Variants in CSMD1 observed in about 807,000 individuals in gnomAD.
The protein encoded by CSMD1 is CUB and Sushi multiple domains 1, also known as CUB and sushi domain-containing protein 1.
In CSMD1, 213 loss-of-function variants were observed where a neutral mutation model predicts 417.5. The observed-to-expected ratio is 0.51, with a 90% CI of 0.46 to 0.57. The LOEUF is 0.57. Among genes scored for constraint, CSMD1 ranks in the 20% least tolerant of loss-of-function variants. The probability of loss-of-function intolerance (pLI) is 0.00; values close to 1 mark genes in which losing one functional copy is unlikely to be tolerated. For missense variants in CSMD1, 6,923 were observed against 4,529.7 expected, an observed-to-expected ratio of 1.53 and a Z score of -15.17; for synonymous variants, 2,862 against 1,736.8, an observed-to-expected ratio of 1.65 and a Z score of -16.11.
chr8:4,473,707 T>C (rs114464626), intron 2 of CSMD1, among the ~76,000 whole-genome samples: 5,109 of 152,254 alleles, frequency 0.034, 200 homozygotes, highest in Middle Eastern at 0.092. Context: ...ATGTAAGGTA[T>C]GCAGGAATGT....
At chr8:4,892,484 G>A (rs1475033857) in intron 1 of CSMD1, among the ~76,000 whole-genome samples, 1 of 152,026 alleles carries the variant, frequency 6.6e-6, no homozygotes, top group Non-Finnish European at 1.5e-5. Context: ...TTTACTAACT[G>A]AAAAATATAG....
intron 2 of CSMD1, among the ~76,000 whole-genome samples, chr8:4,573,403 G>A (rs1446489928): frequency 6.6e-6 from 1 of 152,118 alleles, no homozygotes; most frequent in Admixed American, 6.5e-5. Context: ...GCTGGAGTTT[G>A]CTGGAGGTCC....
At chr8:3,960,722 AAATTT>A (rs1382546752) in intron 5 of CSMD1, among the ~76,000 whole-genome samples, 4 of 151,964 alleles carry the variant, frequency 2.6e-5, no homozygotes. Context: ...TTTTAAGGAT[AAATTT>A]AATTCATTTT....
intron 2 of CSMD1, among the ~76,000 whole-genome samples, chr8:4,594,874 A>G (rs1800173261): frequency 6.6e-6 from 1 of 152,182 alleles, no homozygotes; most frequent in African/African-American, 2.4e-5. Flanking sequence ...CATGCTGAAG[A>G]GAAATGACTC....
intron 5 of CSMD1, among the ~76,000 whole-genome samples, chr8:3,924,799 C>G (rs1037045844): frequency 6.6e-6 from 1 of 152,078 alleles, no homozygotes; most frequent in Non-Finnish European, 1.5e-5. Context: ...TTCGTGTTAT[C>G]CTGTAAGTCA....
At chr8:3,781,078 A>G (rs1584987929) in intron 5 of CSMD1, among the ~76,000 whole-genome samples, 1 of 152,352 alleles carries the variant, frequency 6.6e-6, no homozygotes, top group East Asian at 1.9e-4. Flanking sequence ...AAAGCCTGTT[A>G]TGATCATGGC....
chr8:4,973,925 G>A (rs1049443654), intron 1 of CSMD1, among the ~76,000 whole-genome samples: 1 of 152,066 alleles, frequency 6.6e-6, no homozygotes, highest in African/African-American at 2.4e-5. Flanking sequence ...CTGTTTCTTG[G>A]AATAAAAAGG....
intron 51 of CSMD1, among the ~76,000 whole-genome samples, chr8:3,029,015 T>C (rs1810144811): frequency 6.6e-6 from 1 of 152,210 alleles, no homozygotes; most frequent in South Asian, 2.1e-4. Context: ...GTCTATGGCG[T>C]AAGAGTTATC....
At position 4,547,393 on chromosome 8, in the gene CSMD1, T is replaced by C. The variant is rs1267672382; in HGVS notation, c.302+89949A>G. On this transcript the variant is annotated intron_variant, in intron 2 of 69. Transcript: ENST00000635120. ...CTGAAAATATTACTTTCTTCTTTTA[T>C]ATTTGTGAGTGGATTTTAGAAGAAA... 3.9e-5 allele frequency among the ~76,000 whole-genome samples: 6 copies of C among 152,238 alleles called. No homozygotes were observed. In the South Asian group the frequency reaches 8.3e-4, roughly 21 times the overall value.
chr8:3,854,282 T>G (rs1047274916), intron 5 of CSMD1, among the ~76,000 whole-genome samples: 2 of 151,632 alleles, frequency 1.3e-5, no homozygotes, highest in Non-Finnish European at 2.9e-5. Flanking sequence ...GATCAATAAT[T>G]CTTGTAAGGT....
rs561930440 is a variant in CSMD1, at chr8:4,326,008, G to T, written c.415+93945C>A. Among the ~76,000 whole-genome samples the T allele has an allele frequency of 2.0e-5, 3 of 152,196 alleles. No individual in the cohort carries two copies. The South Asian group carries it at 6.2e-4, about 32-fold the overall frequency. On this transcript the variant is annotated intron_variant, in intron 3 of 69. Transcript: ENST00000635120. ...CCTGGGGTACGAACTCAGTAAAGAC[G>T]TTGGCTCGCTATTTTTAAAGCAATA... is the stretch of plus-strand genomic sequence containing the variant.
chr8:3,676,795 T>C (rs764433400), intron 7 of CSMD1, among the ~76,000 whole-genome samples: 2 of 152,182 alleles, frequency 1.3e-5, no homozygotes, highest in Non-Finnish European at 2.9e-5. Flanking sequence ...ATAGACTGGA[T>C]AAAGAAAATG....
rs1057015722 is a variant in CSMD1, at chr8:3,157,926, C to T, written c.5885G>A (p.Arg1962His). The T allele has an allele frequency of 1.6e-5, 25 of 1,554,710 alleles. No individual in the cohort carries two copies. Among genetic ancestry groups the T allele is most frequent in the Admixed American group, 5.8e-5 (3 of 51,432 alleles). The change falls in exon 39 of 70, where the codon CGT (arginine) becomes CAT (histidine). Residue 1962 changes from arginine to histidine, a missense_variant. Physicochemically the swap from Arg to His is conservative, Grantham distance 29. Coordinates refer to ENST00000635120, the MANE Select transcript of CSMD1 (RefSeq NM_033225.6). ...GCACAGGGGAGACGGATAGTTCCAA[C>T]GGCGAACGGTCCCTGGCATACAGGA... ...HISCMPGTVRRWNYPSPLCIA... is the reference protein window; with the variant it reads ...HISCMPGTVRHWNYPSPLCIA...
chr8:3,411,843 TATGCAC>T (rs1812752838), intron 12 of CSMD1, among the ~76,000 whole-genome samples: 2 of 60,560 alleles, frequency 3.3e-5, no homozygotes, highest in African/African-American at 1.1e-4. Flanking sequence ...TGCACGTATA[TATGCAC>T]GTATATATGC....
intron 25 of CSMD1, among the ~76,000 whole-genome samples, chr8:3,299,980 T>A (rs1475866744): frequency 6.6e-6 from 1 of 152,092 alleles, no homozygotes; most frequent in Non-Finnish European, 1.5e-5. Flanking sequence ...CTCTAGAAAT[T>A]CATCATGAAA....
At chr8:3,023,517 C>G (rs920852744) in intron 51 of CSMD1, among the ~76,000 whole-genome samples, 12 of 152,100 alleles carry the variant, frequency 7.9e-5, no homozygotes, top group African/African-American at 2.7e-4. Context: ...CTTATTGTTT[C>G]TTGAAGGACA....
Position 4,963,747 on chromosome 8 carries a change from T to G in CSMD1, c.85+30585A>C, listed in dbSNP as rs566026524. Among the ~76,000 whole-genome samples, 27 of 152,316 alleles carry G rather than the reference T, an allele frequency of 1.8e-4. No homozygotes were observed. The South Asian group carries it at 2.3e-3, about 13-fold the overall frequency. ...TTTTAACACTCAACTCAAGTTTTCT[T>G]GGTCACTTAACAAAATAACATGACT... On this transcript the variant is annotated intron_variant, in intron 1 of 69. Transcript: ENST00000635120.
In CSMD1 at chr8:3,997,971, G is replaced by A. The variant is rs776380225; in HGVS notation, c.750C>T (p.Phe250=). 3.1e-6 allele frequency: 5 copies of A among 1,611,396 alleles called. No homozygotes were observed. Among genetic ancestry groups the A allele is most frequent in the African/African-American group, 1.3e-5 (1 of 75,004 alleles). The change falls in exon 5 of 70, where the codon TTC becomes TTT. Residue 250 remains phenylalanine (F), a synonymous_variant. Transcript: ENST00000635120. The part of the protein sequence containing the change: ...AEPGDTIALV[F]TDFQLEEGYD... ...ATCCTTCTTCTAGCTGAAAGTCAGT[G>A]AAGACCAGCGCAATGGTGTCCCCGG...
chr8:4,294,288 G>A (rs934999701), intron 3 of CSMD1, among the ~76,000 whole-genome samples: 13 of 152,054 alleles, frequency 8.5e-5, no homozygotes, highest in African/African-American at 2.7e-4. Context: ...TAAAGGCTTC[G>A]GTGCTTCATA....
Sources: allele counts gnomAD v4.1 joint callset (sites outside exome capture counted in the v4.1 genomes callset), GRCh38; gene constraint gnomAD v4.1.1; transcripts MANE v1.5; gene names NCBI Gene and HGNC (gene_info 2026-07-23, HGNC 2026-07-21).